The following DCC variants were observed in gnomAD, a reference collection of about 807,000 sequenced individuals.
The protein encoded by DCC is netrin receptor DCC.
A neutral mutation model predicts 172.5 loss-of-function variants in DCC; 58 were observed. The observed-to-expected ratio is 0.34, with a 90% CI of 0.27 to 0.42. DCC has a LOEUF of 0.42. Among genes scored for constraint, DCC ranks in the 10% least tolerant of loss-of-function variants. The probability of loss-of-function intolerance (pLI) is 1.00; values close to 1 mark genes in which losing one functional copy is unlikely to be tolerated. For missense variants in DCC, 1,740 were observed against 1,791.0 expected, an observed-to-expected ratio of 0.97 and a Z score of 0.51; for synonymous variants, 709 against 644.5, an observed-to-expected ratio of 1.10 and a Z score of -1.52.
intron 1 of DCC, chr18:52,409,106 G>C (rs1598794672): frequency 6.6e-6 from 1 of 152,064 alleles, no homozygotes; most frequent in South Asian, 2.1e-4. Flanking sequence ...AGGATGCCAA[G>C]GAAAAAAAGC....
intron 6 of DCC, among the ~76,000 whole-genome samples, chr18:53,064,596 T>A (rs1435166161): frequency 6.6e-6 from 1 of 152,190 alleles, no homozygotes. Context: ...AATATCTGTG[T>A]GCATGCATGT....
intron 15 of DCC, among the ~76,000 whole-genome samples, chr18:53,344,602 T>C (rs768721510): frequency 1.3e-4 from 20 of 151,558 alleles, no homozygotes; most frequent in Non-Finnish European, 2.5e-4. Flanking sequence ...CCATCGTGCC[T>C]GGCTAATTTT....
rs551102568 is a variant in DCC at position 53,308,939 on chromosome 18, C to T, written c.2053+3220C>T. Among the ~76,000 whole-genome samples, 4 of 152,106 alleles carry T rather than the reference C, an allele frequency of 2.6e-5. No homozygotes were observed. In the South Asian group the frequency reaches 6.2e-4, roughly 24 times the overall value. On this transcript the variant is annotated intron_variant, in intron 13 of 28. Transcript: ENST00000442544. Reference sequence around the variant, plus strand: ...AGTCTCTCCTAACTGCTGGGGTTACCGGCAGTCCCTGGTCTTCCTTGGCTT... The same window carrying T: ...AGTCTCTCCTAACTGCTGGGGTTACTGGCAGTCCCTGGTCTTCCTTGGCTT...
At chr18:52,497,273 AAAAAAAAAT>A (rs1368057612) in intron 1 of DCC, among the ~76,000 whole-genome samples, 2 of 86,474 alleles carry the variant, frequency 2.3e-5, no homozygotes, top group Admixed American at 1.4e-4. Context: ...AAAAAAAAAA[AAAAAAAAAT>A]ATATATATAT....
At chr18:53,011,996 C>A (rs2041737414) in intron 5 of DCC, among the ~76,000 whole-genome samples, 1 of 151,718 alleles carries the variant, frequency 6.6e-6, no homozygotes, top group Non-Finnish European at 1.5e-5. Context: ...TGCTGAAATA[C>A]CCTTAGGCAC....
intron 7 of DCC, among the ~76,000 whole-genome samples, 193 bp downstream of exon 7, chr18:53,066,359 A>ATATATATATATATATATATATATATATG (rs2042568010): frequency 2.4e-5 from 1 of 42,102 alleles, no homozygotes; most frequent in African/African-American, 2.1e-4. Flanking sequence ...GTGTGTATAT[A>ATATATATATATATATATATATATATATG]TATATATATA....
At chr18:53,431,569 C>T (rs1015799245) in intron 21 of DCC, among the ~76,000 whole-genome samples, 55 of 151,946 alleles carry the variant, frequency 3.6e-4, no homozygotes, top group African/African-American at 1.3e-3. Flanking sequence ...CTCACTGCAA[C>T]CTCTACCTCC....
chr18:52,506,037 A>C (rs1286266738), intron 1 of DCC, among the ~76,000 whole-genome samples: 1 of 152,176 alleles, frequency 6.6e-6, no homozygotes, highest in Non-Finnish European at 1.5e-5. Flanking sequence ...AAAAGTGTGA[A>C]TTTATTAATG....
rs567592389 is a variant in DCC at position 53,486,087 on chromosome 18, A to G, written c.3737-710A>G. On this transcript the variant is annotated intron_variant, in intron 25 of 28. Coordinates refer to ENST00000442544, the MANE Select transcript of DCC (RefSeq NM_005215.4). ...TGACTACAATTGGAATATTTAATATATATTATAATTGAATAGCTATTGAAT... is the reference window on the plus strand; with the variant it reads ...TGACTACAATTGGAATATTTAATATGTATTATAATTGAATAGCTATTGAAT... 9.2e-5 allele frequency among the ~76,000 whole-genome samples: 14 copies of G among 152,204 alleles called. No homozygotes were observed. The East Asian group carries it at 2.7e-3, about 29-fold the overall frequency.
chr18:52,894,751 T>C (rs1159425008), intron 2 of DCC, among the ~76,000 whole-genome samples: 6 of 152,056 alleles, frequency 3.9e-5, no homozygotes, highest in Non-Finnish European at 8.8e-5. Context: ...ATGTCCCAGC[T>C]CAAGCAGTCA....
intron 7 of DCC, among the ~76,000 whole-genome samples, chr18:53,145,373 G>C (rs550995881): frequency 6.6e-6 from 1 of 152,088 alleles, no homozygotes; most frequent in East Asian, 1.9e-4. Flanking sequence ...TCGGCCTCCC[G>C]AAGTGCTGGG....
chr18:52,616,296 C>T (rs1275303690), intron 1 of DCC, among the ~76,000 whole-genome samples: 1 of 151,840 alleles, frequency 6.6e-6, no homozygotes, highest in Non-Finnish European at 1.5e-5. Context: ...GGAATATTGG[C>T]TAAGTATGAG....
chr18:53,501,182 C>T (rs2046093154), intron 27 of DCC, among the ~76,000 whole-genome samples: 2 of 152,162 alleles, frequency 1.3e-5, no homozygotes, highest in African/African-American at 2.4e-5. Flanking sequence ...ATCTTTAATG[C>T]ACCTGCCTAT....
intron 2 of DCC, among the ~76,000 whole-genome samples, chr18:52,894,536 A>T (rs1359936313): frequency 6.6e-6 from 1 of 151,722 alleles, no homozygotes; most frequent in Non-Finnish European, 1.5e-5. Context: ...TAGAAAGATA[A>T]ATAGAGACAG....
intron 23 of DCC, among the ~76,000 whole-genome samples, chr18:53,455,510 T>C (rs959689373): frequency 1.3e-5 from 2 of 152,316 alleles, no homozygotes; most frequent in Non-Finnish European, 2.9e-5. Context: ...AAGTAAGGAA[T>C]GGGTAAACCA....
At chr18:52,949,940 G>A (rs1238918667) in intron 5 of DCC, among the ~76,000 whole-genome samples, 1 of 152,152 alleles carries the variant, frequency 6.6e-6, no homozygotes, top group African/African-American at 2.4e-5. Context: ...AGCCCCATTA[G>A]TAATACAGTA....
At chr18:53,179,559 G>A (rs2055163616) in intron 9 of DCC, among the ~76,000 whole-genome samples, 2 of 152,212 alleles carry the variant, frequency 1.3e-5, no homozygotes, top group South Asian at 4.1e-4. Context: ...CGCATGCACT[G>A]AAAAACCTAC....
intron 12 of DCC, among the ~76,000 whole-genome samples, chr18:53,256,887 T>C (rs1258996878): frequency 6.6e-6 from 1 of 152,226 alleles, no homozygotes; most frequent in Admixed American, 6.5e-5. Context: ...TTTGATTTCA[T>C]TGAGCAGTGT....
At chr18:53,224,241 A>G (rs554075055) in intron 12 of DCC, among the ~76,000 whole-genome samples, 1 of 152,300 alleles carries the variant, frequency 6.6e-6, no homozygotes, top group East Asian at 1.9e-4. Context: ...CTGAGGCGTG[A>G]ATAGAAAAGG....
Sources: allele counts gnomAD v4.1 joint callset (sites outside exome capture counted in the v4.1 genomes callset), GRCh38; gene constraint gnomAD v4.1.1; transcripts MANE v1.5; gene names NCBI Gene and HGNC (gene_info 2026-07-23, HGNC 2026-07-21).